Variants in L3MBTL4 observed in about 807,000 individuals in gnomAD.
L3MBTL4 encodes the protein lethal(3)malignant brain tumor-like protein 4.
In L3MBTL4, 70 loss-of-function variants were observed where a neutral mutation model predicts 84.5. That is an observed-to-expected ratio of 0.83 (90% CI 0.68 to 1.01). The LOEUF (loss-of-function observed/expected upper bound fraction) is 1.01, where lower values mean the gene tolerates loss of function less well. L3MBTL4 is among the 50% of genes least tolerant of loss of function. The probability of loss-of-function intolerance (pLI) is 0.00; values close to 1 mark genes in which losing one functional copy is unlikely to be tolerated. For missense variants in L3MBTL4, 715 were observed against 754.8 expected (o/e 0.95, Z 0.62); for synonymous variants, 274 against 259.8 (o/e 1.05, Z -0.52).
chr18:6,380,190 A>G (rs1329462487), intron 1 of L3MBTL4, among the ~76,000 whole-genome samples: 1 of 152,002 alleles, frequency 6.6e-6, no homozygotes, highest in African/African-American at 2.4e-5. Context: ...TATTGTGTCT[A>G]TTTGATTCTT....
chr18:6,395,563 G>C (rs970910669), intron 1 of L3MBTL4: 1 of 151,914 alleles, frequency 6.6e-6, no homozygotes, highest in African/African-American at 2.4e-5. Context: ...TACTGTTCTC[G>C]GTCCTAAAAA....
chr18:6,144,954 C>T (rs924323107), intron 13 of L3MBTL4, among the ~76,000 whole-genome samples: 2 of 152,144 alleles, frequency 1.3e-5, no homozygotes, highest in African/African-American at 4.8e-5. Flanking sequence ...ACCTGTTACA[C>T]CAGTGATCTG....
At chr18:5,958,738 G>A (rs6506349) in intron 18 of L3MBTL4, among the ~76,000 whole-genome samples, 56,147 of 151,866 alleles carry the variant, frequency 0.37, 10,665 homozygotes, top group East Asian at 0.49. Flanking sequence ...AACAGGGCTC[G>A]GTGCTTCAAA....
intron 4 of L3MBTL4, among the ~76,000 whole-genome samples, chr18:6,290,191 C>T (rs76226652): frequency 0.016 from 2,440 of 152,208 alleles, 70 homozygotes; most frequent in African/African-American, 0.055. Flanking sequence ...GCCTGGGTTA[C>T]AGGCATGAGG....
At chr18:6,064,557 T>A (rs535162914) in intron 16 of L3MBTL4, among the ~76,000 whole-genome samples, 1 of 151,922 alleles carries the variant, frequency 6.6e-6, no homozygotes, top group Non-Finnish European at 1.5e-5. Context: ...GTCATTTTCC[T>A]TGCAGAAGTC....
intron 1 of L3MBTL4, among the ~76,000 whole-genome samples, chr18:6,370,388 A>G (rs968098234): frequency 3.9e-5 from 6 of 152,234 alleles, no homozygotes; most frequent in African/African-American, 1.4e-4. Flanking sequence ...AAATGCCTCT[A>G]AAGGAGCAAT....
chr18:6,024,555 A>G (rs1202357596), intron 16 of L3MBTL4, among the ~76,000 whole-genome samples: 1 of 152,212 alleles, frequency 6.6e-6, no homozygotes, highest in Non-Finnish European at 1.5e-5. Context: ...AAATATGCAA[A>G]CTTCCTACTT....
chr18:6,269,710 G>A (rs1022451241), intron 4 of L3MBTL4, among the ~76,000 whole-genome samples: 69 of 152,152 alleles, frequency 4.5e-4, no homozygotes, highest in Admixed American at 5.2e-4. Flanking sequence ...ATTAAGCGCA[G>A]TTTATATGAA....
intron 4 of L3MBTL4, among the ~76,000 whole-genome samples, chr18:6,283,395 T>A (rs905134610): frequency 3.3e-5 from 5 of 152,184 alleles, no homozygotes; most frequent in African/African-American, 1.2e-4. Flanking sequence ...AAAAACCAAA[T>A]GAGTTTTTAA....
chr18:6,389,650 T>A lies in L3MBTL4; in HGVS notation c.-91+25151A>T, dbSNP rs183172053. The stretch of plus-strand genomic sequence containing the variant: ...GAAACCAAAAGTGAGCAGGAGTAGC[T>A]ATCCTTACATCAGACAAAACAAACT... On this transcript the variant is annotated intron_variant, in intron 1 of 18. Transcript: ENST00000317931. Among the ~76,000 whole-genome samples, 3 of 152,294 alleles carry A rather than the reference T, an allele frequency of 2.0e-5. No individual in the cohort carries two copies. The East Asian group carries it at 5.8e-4, about 29-fold the overall frequency.
intron 13 of L3MBTL4, among the ~76,000 whole-genome samples, chr18:6,160,734 A>ACAAC (rs1427175717): frequency 6.7e-6 from 1 of 150,328 alleles, no homozygotes; most frequent in African/African-American, 2.4e-5. Flanking sequence ...TCCGTCTCAA[A>ACAAC]AAAAAAAAAA....
At chr18:6,015,914 C>A (rs189201890) in intron 16 of L3MBTL4, among the ~76,000 whole-genome samples, 1 of 152,134 alleles carries the variant, frequency 6.6e-6, no homozygotes, top group Admixed American at 6.5e-5. Context: ...GAGCCAAGAT[C>A]GCACCACTGC....
intron 16 of L3MBTL4, among the ~76,000 whole-genome samples, chr18:5,995,316 GTGACGCTGGGC>G (rs2053906039): frequency 6.6e-6 from 1 of 152,252 alleles, no homozygotes; most frequent in African/African-American, 2.4e-5. Context: ...GACGGTGACA[GTGACGCTGGGC>G]TCCACGTTTA....
chr18:6,392,619 T>G (rs1173375790), intron 1 of L3MBTL4, among the ~76,000 whole-genome samples: 1 of 152,198 alleles, frequency 6.6e-6, no homozygotes. Flanking sequence ...GGATCCCTAA[T>G]TCTCACCCTA....
Position 6,168,656 on chromosome 18 carries a change from C to T in L3MBTL4, c.1096+3172G>A, listed in dbSNP as rs1272852244. 3.9e-5 allele frequency among the ~76,000 whole-genome samples: 6 copies of T among 152,002 alleles called. No homozygotes were observed. In the East Asian group the frequency reaches 5.8e-4, roughly 15 times the overall value. The stretch of plus-strand genomic sequence containing the variant: ...AAGCTGAAACTGGATCCCTTCCTTA[C>T]ACCTTATACAAAAATTAATTCAAGA... On this transcript the variant is annotated intron_variant, in intron 13 of 18. Transcript: ENST00000317931.
At chr18:6,392,923 T>C (rs953414100) in intron 1 of L3MBTL4, among the ~76,000 whole-genome samples, 2 of 151,958 alleles carry the variant, frequency 1.3e-5, no homozygotes, top group South Asian at 2.1e-4. Flanking sequence ...GACTCAGAAG[T>C]GGGGAGAGTA....
chr18:5,973,638 T>A (rs983697885), intron 16 of L3MBTL4, among the ~76,000 whole-genome samples: 3 of 152,340 alleles, frequency 2.0e-5, no homozygotes, highest in African/African-American at 7.2e-5. Context: ...GCATAGACCG[T>A]TTCCAGAAAC....
chr18:6,090,599 CACACACACACA>C (rs2058416215), intron 15 of L3MBTL4, among the ~76,000 whole-genome samples: 1 of 135,270 alleles, frequency 7.4e-6, no homozygotes, highest in African/African-American at 3.4e-5. Flanking sequence ...TATATACACA[CACACACACACA>C]CACACACACA....
intron 16 of L3MBTL4, among the ~76,000 whole-genome samples, chr18:6,034,421 GT>G (rs1324906050): frequency 6.6e-6 from 1 of 152,060 alleles, no homozygotes; most frequent in African/African-American, 2.4e-5. Flanking sequence ...TCTTGTGATA[GT>G]TTACTGAGAA....
Sources: allele counts gnomAD v4.1 joint callset (sites outside exome capture counted in the v4.1 genomes callset), GRCh38; gene constraint gnomAD v4.1.1; transcripts MANE v1.5; gene names NCBI Gene and HGNC (gene_info 2026-07-23, HGNC 2026-07-21).